The following SYNCRIP variants were observed in gnomAD, a reference collection of about 807,000 sequenced individuals.
SYNCRIP encodes synaptotagmin binding cytoplasmic RNA interacting protein, also known as heterogeneous nuclear ribonucleoprotein Q.
A neutral mutation model predicts 68.9 loss-of-function variants in SYNCRIP; 9 were observed. That is an observed-to-expected ratio of 0.13 (90% CI 0.08 to 0.23). The LOEUF (loss-of-function observed/expected upper bound fraction) is 0.23, where lower values mean the gene tolerates loss of function less well. SYNCRIP is among the 10% of genes least tolerant of loss of function. The pLI, the probability that SYNCRIP is intolerant of heterozygous loss-of-function variation, is 1.00. For missense variants in SYNCRIP, 414 were observed against 770.6 expected (o/e 0.54, Z 5.48); for synonymous variants, 258 against 254.0 (o/e 1.02, Z -0.15).
At chr6:85,619,008 ATATCATT>A in intron 9 of SYNCRIP, 69 bp from the exon 10 acceptor site, 1 of 1,474,644 alleles carries the variant, frequency 6.8e-7, no homozygotes, top group Non-Finnish European at 9.3e-7. Context: ...TAAAGTTGGA[ATATCATT>A]TATCATTAAT....
intron 6 of SYNCRIP, among the ~76,000 whole-genome samples, chr6:85,626,978 A>C (rs1489323946): frequency 6.6e-6 from 1 of 152,050 alleles, no homozygotes; most frequent in Non-Finnish European, 1.5e-5. Context: ...TCAATTAAAA[A>C]ACTTGGGCCA....
intron 6 of SYNCRIP, among the ~76,000 whole-genome samples, chr6:85,627,401 T>C (rs1807184178): frequency 6.6e-6 from 1 of 151,974 alleles, no homozygotes; most frequent in African/African-American, 2.4e-5. Context: ...ACAAAAGTAG[T>C]ACCTAGAAAT....
chr6:85,623,784 T>C (rs1356130050), intron 7 of SYNCRIP, among the ~76,000 whole-genome samples, 193 bp downstream of exon 7: 1 of 152,170 alleles, frequency 6.6e-6, no homozygotes, highest in Middle Eastern at 3.2e-3. Flanking sequence ...TGTACAACGT[T>C]TGGCAAGTTA....
intron 8 of SYNCRIP, among the ~76,000 whole-genome samples, chr6:85,621,607 T>TAAAA: frequency 8.0e-6 from 1 of 124,788 alleles, no homozygotes; most frequent in South Asian, 2.6e-4. Flanking sequence ...CCCTGTCACT[T>TAAAA]AAAAAAAAAA....
intron 6 of SYNCRIP, among the ~76,000 whole-genome samples, chr6:85,625,136 C>T (rs1806891320): frequency 6.6e-6 from 1 of 152,124 alleles, no homozygotes; most frequent in African/African-American, 2.4e-5. Flanking sequence ...CCTTCCCCAT[C>T]TCCAGAAAAT....
Position 85,628,868 on chromosome 6 carries a change from C to G in SYNCRIP, c.667-4756G>C, listed in dbSNP as rs144987864. 1.1e-3 allele frequency among the ~76,000 whole-genome samples: 166 copies of G among 152,318 alleles called. 1 individual carries two copies. The highest frequency in any genetic ancestry group is 4.0e-3 in the African/African-American group (166 of 41,570). On this transcript the variant is annotated intron_variant, in intron 6 of 10. Coordinates refer to ENST00000369622, the MANE Select transcript of SYNCRIP (RefSeq NM_006372.5). ...CTGAATGGAGATTCAAGTTACCAAA[C>G]GTATCATGAACAGTCCAACTACACT...
chr6:85,612,091 C>T (rs993096009), downstream of SYNCRIP: 2 of 152,074 alleles, frequency 1.3e-5, no homozygotes, highest in Non-Finnish European at 2.9e-5. Flanking sequence ...AAAGCAAGGC[C>T]TGTTATGATG....
chr6:85,636,905 A>G, intron 6 of SYNCRIP, 62 bp downstream of exon 6: 2 of 1,502,602 alleles, frequency 1.3e-6, no homozygotes, highest in Non-Finnish European at 1.8e-6. Flanking sequence ...GCACACTAAG[A>G]AAAAAACTTG....
chr6:85,619,570 TATC>T (rs981550399), intron 8 of SYNCRIP, among the ~76,000 whole-genome samples, 153 bp from the exon 9 acceptor site: 1 of 151,218 alleles, frequency 6.6e-6, no homozygotes, highest in Non-Finnish European at 1.5e-5. Context: ...CTTGGGTAAA[TATC>T]AAGCAGCAGA....
At chr6:85,615,820 T>A (rs1039010665) in intron 10 of SYNCRIP, among the ~76,000 whole-genome samples, 1 of 152,170 alleles carries the variant, frequency 6.6e-6, no homozygotes, top group Non-Finnish European at 1.5e-5. Flanking sequence ...AAAAAAAAAT[T>A]TGTCACTTTG....
At chr6:85,639,211 A>AAAAC (rs563869901) in intron 4 of SYNCRIP, among the ~76,000 whole-genome samples, 8 of 152,290 alleles carry the variant, frequency 5.3e-5, no homozygotes, top group Admixed American at 2.6e-4. Flanking sequence ...CTGTCTCCCA[A>AAAAC]AAACAAACAA....
downstream of SYNCRIP, chr6:85,613,013 T>C: frequency 6.9e-7 from 1 of 1,441,740 alleles, no homozygotes; most frequent in Middle Eastern, 1.9e-4. Context: ...AAGACAAGCC[T>C]TAACATGGTA....
intron 7 of SYNCRIP, among the ~76,000 whole-genome samples, chr6:85,622,964 A>G (rs1164321371): frequency 6.6e-6 from 1 of 152,270 alleles, no homozygotes; most frequent in African/African-American, 2.4e-5. Flanking sequence ...AGAGAGGCAG[A>G]TAAAAATTTT....
At chr6:85,613,880 G>T, downstream of SYNCRIP, 1 of 760,298 alleles carries the variant, frequency 1.3e-6, no homozygotes, top group Non-Finnish European at 1.6e-6. Context: ...GGACTTGTCA[G>T]TGTGACCTGC....
intron 6 of SYNCRIP, among the ~76,000 whole-genome samples, chr6:85,632,531 AGATT>A (rs1807919618): frequency 6.6e-6 from 1 of 152,208 alleles, no homozygotes; most frequent in Admixed American, 6.5e-5. Flanking sequence ...AAAAAACTTG[AGATT>A]TGTATTTTCT....
At chr6:85,608,492 G>T (rs1399776273) in exon 12 of SYNCRIP, 1 of 151,922 alleles carries the variant, frequency 6.6e-6, no homozygotes, top group Non-Finnish European at 1.5e-5. Flanking sequence ...AAAAGAACAG[G>T]TAATTTGAGG....
chr6:85,627,344 A>C (rs572156673), intron 6 of SYNCRIP, among the ~76,000 whole-genome samples: 1 of 152,106 alleles, frequency 6.6e-6, no homozygotes, highest in African/African-American at 2.4e-5. Flanking sequence ...TCCAATGAAA[A>C]TAAGTCATTA....
intron 6 of SYNCRIP, among the ~76,000 whole-genome samples, chr6:85,633,750 T>C (rs1439864506): frequency 1.3e-5 from 2 of 152,020 alleles, no homozygotes; most frequent in East Asian, 1.9e-4. Context: ...AGTGGCATGA[T>C]CACAGGTCAT....
chr6:85,633,407 A>G (rs1486804645), intron 6 of SYNCRIP, among the ~76,000 whole-genome samples: 2 of 152,174 alleles, frequency 1.3e-5, no homozygotes, highest in Non-Finnish European at 2.9e-5. Context: ...CCTGGCCAAC[A>G]GGGTGAAACC....
Sources: allele counts gnomAD v4.1 joint callset (sites outside exome capture counted in the v4.1 genomes callset), GRCh38; gene constraint gnomAD v4.1.1; transcripts MANE v1.5; gene names NCBI Gene and HGNC (gene_info 2026-07-23, HGNC 2026-07-21).